Variants in NPHP1 observed in about 807,000 individuals in gnomAD.
The protein encoded by NPHP1 is nephrocystin 1.
NPHP1 carries 70 observed loss-of-function variants against 90.4 expected under a neutral mutation model. That is an observed-to-expected ratio of 0.77 (90% CI 0.64 to 0.95). NPHP1 has a LOEUF of 0.95. Among genes scored for constraint, NPHP1 ranks in the 40% least tolerant of loss-of-function variants. The pLI is 0.00. For missense variants in NPHP1, 764 were observed against 795.9 expected (o/e 0.96, Z 0.48); for synonymous variants, 256 against 271.7 (o/e 0.94, Z 0.57).
intron 4 of NPHP1, among the ~76,000 whole-genome samples, chr2:110,171,760 A>G (rs1482910396): frequency 6.6e-6 from 1 of 152,132 alleles, no homozygotes; most frequent in Non-Finnish European, 1.5e-5. Flanking sequence ...CACACTCTGG[A>G]ACAAATTCCA....
intron 16 of NPHP1, among the ~76,000 whole-genome samples, chr2:110,133,329 TA>T (rs1679926431): frequency 6.6e-6 from 1 of 152,044 alleles, no homozygotes; most frequent in South Asian, 2.1e-4. Context: ...TGTACAATCA[TA>T]AAACAGTCAA....
intron 6 of NPHP1, among the ~76,000 whole-genome samples, chr2:110,168,043 C>A (rs894775617): frequency 6.6e-6 from 1 of 152,034 alleles, no homozygotes. Context: ...CAGAAAATGA[C>A]CATGTTATTT....
intron 17 of NPHP1, among the ~76,000 whole-genome samples, chr2:110,130,644 T>A (rs1679709777): frequency 6.6e-6 from 1 of 152,140 alleles, no homozygotes; most frequent in Non-Finnish European, 1.5e-5. Flanking sequence ...AGCCTCTCAC[T>A]CACTCTGCTC....
At chr2:110,164,935 G>T (rs1682610969) in intron 7 of NPHP1, 117 bp downstream of exon 7, 1 of 918,640 alleles carries the variant, frequency 1.1e-6, no homozygotes, top group Admixed American at 1.9e-5. Flanking sequence ...AGTATGAAAA[G>T]CTCTCCAGGT....
intron 14 of NPHP1, among the ~76,000 whole-genome samples, chr2:110,145,274 G>A (rs1330043646): frequency 6.6e-6 from 1 of 152,026 alleles, no homozygotes; most frequent in Non-Finnish European, 1.5e-5. Flanking sequence ...GCAACTTCTG[G>A]GAACAGTTTT....
chr2:110,193,009 C>T (rs992873003), intron 2 of NPHP1, among the ~76,000 whole-genome samples: 1 of 152,058 alleles, frequency 6.6e-6, no homozygotes, highest in African/African-American at 2.4e-5. Flanking sequence ...GAAGGAAGCA[C>T]TAAACATGGA....
intron 18 of NPHP1, chr2:110,128,044 GATC>G (rs1385208270): frequency 6.6e-6 from 1 of 151,998 alleles, no homozygotes; most frequent in Admixed American, 6.6e-5. Context: ...AATTACAGGA[GATC>G]ATATGTACCA....
chr2:110,141,725 C>T (rs1203780259), intron 16 of NPHP1, among the ~76,000 whole-genome samples: 2 of 151,958 alleles, frequency 1.3e-5, no homozygotes, highest in African/African-American at 4.8e-5. Flanking sequence ...GTAATCCTAG[C>T]ACTTTGGGAG....
intron 19 of NPHP1, chr2:110,124,915 T>C (rs1010237653): frequency 3.3e-5 from 9 of 275,578 alleles, no homozygotes; most frequent in Admixed American, 4.8e-5. Flanking sequence ...TGTTACTTCA[T>C]TTTCCTTGTA....
chr2:110,198,250 G>A (rs1024661323), intron 2 of NPHP1, among the ~76,000 whole-genome samples: 1 of 152,102 alleles, frequency 6.6e-6, no homozygotes, highest in African/African-American at 2.4e-5. Flanking sequence ...AGACATAAAG[G>A]ACCAAAGGTT....
chr2:110,194,360 C>T (rs1327358977), intron 2 of NPHP1, among the ~76,000 whole-genome samples: 1 of 152,142 alleles, frequency 6.6e-6, no homozygotes, highest in African/African-American at 2.4e-5. Flanking sequence ...CAACTACCAT[C>T]AGAGAATACT....
intron 16 of NPHP1, among the ~76,000 whole-genome samples, chr2:110,143,106 T>C (rs1384507554): frequency 1.3e-5 from 2 of 152,278 alleles, no homozygotes; most frequent in South Asian, 4.2e-4. Context: ...ATGAGATAAC[T>C]TTTTAGAGTG....
chr2:110,126,726 T>C (rs1054402977), intron 18 of NPHP1: 1 of 152,650 alleles, frequency 6.6e-6, no homozygotes, highest in Non-Finnish European at 1.5e-5. Context: ...GCTGTACATT[T>C]TAAATTTTAT....
intron 1 of NPHP1, 59 bp from the exon 2 acceptor site, chr2:110,201,553 A>T: frequency 8.2e-7 from 1 of 1,222,136 alleles, no homozygotes; most frequent in Non-Finnish European, 1.2e-6. Flanking sequence ...AGGAAAGAAA[A>T]CTTCTTTTTT....
At position 110,152,222 on chromosome 2, in the gene NPHP1, G is replaced by C. The variant is rs143017147; in HGVS notation, c.1084-1966C>G. 2.0e-5 allele frequency among the ~76,000 whole-genome samples: 3 copies of C among 152,202 alleles called. No homozygotes were observed. In the East Asian group the frequency reaches 5.8e-4, roughly 29 times the overall value. ...GTAGTCTAACTACTTGGGAGGCTACGGCAGGGAGATTGCTTGAGCTCAGGA... is the reference window on the plus strand; with the variant it reads ...GTAGTCTAACTACTTGGGAGGCTACCGCAGGGAGATTGCTTGAGCTCAGGA... On this transcript the variant is annotated intron_variant, in intron 11 of 19. Transcript: ENST00000445609.
intron 14 of NPHP1, 148 bp downstream of exon 14, chr2:110,146,605 C>T (rs1681066822): frequency 1.4e-6 from 1 of 692,724 alleles, no homozygotes; most frequent in Non-Finnish European, 2.7e-6. Flanking sequence ...TGTTTTCATA[C>T]ACTGCCTAAA....
chr2:110,189,417 C>T (rs1684529004), intron 2 of NPHP1, among the ~76,000 whole-genome samples: 1 of 151,968 alleles, frequency 6.6e-6, no homozygotes, highest in Admixed American at 6.6e-5. Context: ...CTTAAGGCGG[C>T]ACGTCTGGAG....
At chr2:110,198,774 G>A (rs937687430) in intron 2 of NPHP1, among the ~76,000 whole-genome samples, 8 of 149,510 alleles carry the variant, frequency 5.4e-5, no homozygotes, top group Non-Finnish European at 1.2e-4. Flanking sequence ...TCTTATTCAG[G>A]GGATGGTACT....
chr2:110,190,948 C>T (rs1170625115), intron 2 of NPHP1, among the ~76,000 whole-genome samples: 1 of 152,036 alleles, frequency 6.6e-6, no homozygotes, highest in East Asian at 1.9e-4. Flanking sequence ...AGTGAAGTAC[C>T]ATCTCATGCC....
Sources: allele counts gnomAD v4.1 joint callset (sites outside exome capture counted in the v4.1 genomes callset), GRCh38; gene constraint gnomAD v4.1.1; transcripts MANE v1.5; gene names NCBI Gene and HGNC (gene_info 2026-07-23, HGNC 2026-07-21).